AP1G1: variants seen among roughly 807,000 people sequenced by gnomAD.
AP1G1 encodes the protein adaptor related protein complex 1 subunit gamma 1, also known as AP-1 complex subunit gamma-1.
In AP1G1, 7 loss-of-function variants were observed where a neutral mutation model predicts 108.3. That is an observed-to-expected ratio of 0.06 (90% CI 0.04 to 0.12). The LOEUF (loss-of-function observed/expected upper bound fraction) is 0.12, where lower values mean the gene tolerates loss of function less well. AP1G1 is among the 10% of genes least tolerant of loss of function. The pLI is 1.00. For synonymous variants in AP1G1, 379 were observed against 353.5 expected, an observed-to-expected ratio of 1.07 and a Z score of -0.81; for missense variants, 756 against 1,010.7, an observed-to-expected ratio of 0.75 and a Z score of 3.42.
intron 2 of AP1G1, among the ~76,000 whole-genome samples, chr16:71,778,289 G>C (rs1053741674): frequency 1.2e-4 from 18 of 152,142 alleles, no homozygotes; most frequent in African/African-American, 4.3e-4. Context: ...ACTGGAAATA[G>C]CATCTGATAT....
chr16:71,758,183 T>C (rs1396073926), intron 11 of AP1G1, among the ~76,000 whole-genome samples: 1 of 152,212 alleles, frequency 6.6e-6, no homozygotes, highest in East Asian at 1.9e-4. Flanking sequence ...GTTCTAGATT[T>C]GAACATACAA....
intron 15 of AP1G1, 142 bp downstream of exon 15, chr16:71,749,752 A>G: frequency 8.7e-6 from 6 of 687,452 alleles, no homozygotes; most frequent in Middle Eastern, 2.6e-4. Flanking sequence ...CAGCCTCCCA[A>G]AGCGCTGGGA....
At chr16:71,803,793 C>T (rs1007865011) in intron 1 of AP1G1, among the ~76,000 whole-genome samples, 18 of 151,608 alleles carry the variant, frequency 1.2e-4, no homozygotes, top group Middle Eastern at 3.4e-3. Flanking sequence ...GGCATGGTGG[C>T]GCACACCTGT....
At chr16:71,768,998 A>AAAT (rs1555554387) in intron 6 of AP1G1, among the ~76,000 whole-genome samples, 1 of 140,240 alleles carries the variant, frequency 7.1e-6, no homozygotes, top group Non-Finnish European at 1.6e-5. Context: ...AAAAAAAAAA[A>AAAT]CAGGCCAGGA....
At chr16:71,758,701 T>C (rs929843585) in intron 11 of AP1G1, 107 bp downstream of exon 11, 10 of 666,510 alleles carry the variant, frequency 1.5e-5, no homozygotes, top group Admixed American at 8.2e-5. Flanking sequence ...ATGTCAACAC[T>C]CTTGCTCTGA....
chr16:71,797,939 TTTAA>T (rs1269045468), intron 1 of AP1G1, among the ~76,000 whole-genome samples: 2 of 152,214 alleles, frequency 1.3e-5, no homozygotes, highest in Non-Finnish European at 2.9e-5. Flanking sequence ...AATATTTACT[TTTAA>T]TTAATGTATC....
intron 13 of AP1G1, among the ~76,000 whole-genome samples, chr16:71,753,028 T>C (rs144367760): frequency 6.6e-6 from 1 of 152,338 alleles, no homozygotes; most frequent in East Asian, 1.9e-4. Context: ...ATTTGCCTTT[T>C]AAATCGTAGA....
chr16:71,788,178 G>T (rs2032276568), intron 2 of AP1G1, among the ~76,000 whole-genome samples: 1 of 152,116 alleles, frequency 6.6e-6, no homozygotes, highest in East Asian at 1.9e-4. Context: ...TCCTTCCACT[G>T]AAATTACTGA....
intron 5 of AP1G1, 88 bp downstream of exon 5, chr16:71,771,068 C>G (rs993115283): frequency 2.4e-5 from 19 of 806,988 alleles, no homozygotes; most frequent in South Asian, 3.5e-5. Context: ...CTCCACTGTT[C>G]TGAGAGACAC....
At chr16:71,769,734 G>A (rs751762462) in intron 5 of AP1G1, 35 bp from the exon 6 acceptor site, 3 of 1,539,118 alleles carry the variant, frequency 1.9e-6, no homozygotes, top group Non-Finnish European at 2.7e-6. Flanking sequence ...CTAAAAATGA[G>A]GCCTATTATT....
intron 11 of AP1G1, among the ~76,000 whole-genome samples, chr16:71,756,978 GA>G (rs796228416): frequency 1.4e-5 from 2 of 145,948 alleles, no homozygotes; most frequent in Non-Finnish European, 1.5e-5. Flanking sequence ...CCATGAGAAG[GA>G]AAAAAAAAAT....
At chr16:71,807,829 G>A in intron 1 of AP1G1, 1 of 1,289,316 alleles carries the variant, frequency 7.8e-7, no homozygotes, top group Non-Finnish European at 1.0e-6. Context: ...TCCATGGACA[G>A]ATTTCCGTGC....
At chr16:71,791,765 T>C (rs2145531204) in intron 1 of AP1G1, among the ~76,000 whole-genome samples, 2 of 132,194 alleles carry the variant, frequency 1.5e-5, no homozygotes, top group South Asian at 4.5e-4. Context: ...AACTCTGACT[T>C]TTTTTTTTTT....
At chr16:71,771,385 T>C (rs1331083242) in intron 4 of AP1G1, 133 bp from the exon 5 acceptor site, 1 of 570,594 alleles carries the variant, frequency 1.8e-6, no homozygotes, top group Non-Finnish European at 3.0e-6. Context: ...AGGAAGAGGT[T>C]AGATATTAGA....
At chr16:71,758,641 A>T (rs915993989) in intron 11 of AP1G1, 167 bp downstream of exon 11, 2 of 612,404 alleles carry the variant, frequency 3.3e-6, no homozygotes, top group African/African-American at 1.8e-5. Context: ...TTCTAAAAAA[A>T]GGATTCACTG....
intron 19 of AP1G1, 72 bp downstream of exon 19, chr16:71,745,072 C>G: frequency 6.4e-7 from 1 of 1,556,110 alleles, no homozygotes; most frequent in Non-Finnish European, 8.7e-7. Flanking sequence ...GCTGGAAAGT[C>G]TGGGTTCAGT....
chr16:71,793,146 G>A (rs151041769), intron 1 of AP1G1, among the ~76,000 whole-genome samples: 8 of 152,244 alleles, frequency 5.3e-5, no homozygotes, highest in Middle Eastern at 3.4e-3. Flanking sequence ...CAGCCTGGGC[G>A]ATGGCACAAG....
In AP1G1 at chr16:71,732,327, T is replaced by C. The variant is rs1220966751; in HGVS notation, c.*731A>G. On this transcript the variant is annotated 3_prime_UTR_variant, in exon 23 of 23. Transcript: ENST00000299980. ...GAGCCTTGGAAGTTTCTATTACAAA[T>C]AGAGCACCATATCCTTCATGCCAAA... is the stretch of plus-strand genomic sequence containing the variant. 4 of 152,640 alleles carry C rather than the reference T, an allele frequency of 2.6e-5. No individual in the cohort carries two copies. The highest frequency in any genetic ancestry group is 1.3e-4 in the Admixed American group (2 of 15,282). 9.5% of individuals were successfully genotyped at this position (152,640 alleles called of 1,614,324 possible). A position where few individuals can be genotyped will look rare whatever the true frequency, so the allele number is the denominator to read the frequency against.
At chr16:71,778,092 G>A (rs8057568) in intron 2 of AP1G1, among the ~76,000 whole-genome samples, 34,744 of 152,132 alleles carry the variant, frequency 0.23, 4,628 homozygotes, top group Non-Finnish European at 0.31. Context: ...CAGAGAAGAA[G>A]TGGAAAAACA....
Sources: gnomAD v4.1 joint callset for allele counts (sites outside exome capture counted in the v4.1 genomes callset) on GRCh38, gnomAD v4.1.1 for gene constraint, MANE v1.5 for transcripts, NCBI Gene and HGNC (gene_info 2026-07-23, HGNC 2026-07-21) for gene names.